Variants in RELN observed in about 807,000 individuals in gnomAD.
RELN encodes reelin.
In RELN, 108 loss-of-function variants were observed where a neutral mutation model predicts 427.6. That is an observed-to-expected ratio of 0.25 (90% CI 0.22 to 0.30). The LOEUF (loss-of-function observed/expected upper bound fraction) is 0.30, where lower values mean the gene tolerates loss of function less well. Among genes scored for constraint, RELN ranks in the 10% least tolerant of loss-of-function variants. The pLI is 1.00. For synonymous variants in RELN, 1,524 were observed against 1,513.4 expected (o/e 1.01, Z -0.16); for missense variants, 3,715 against 4,302.8 (o/e 0.86, Z 3.82).
rs1831733102 is a variant in RELN at position 103,603,633 on chromosome 7, G to A, written c.3147-143C>T. Reference sequence around the variant, plus strand: ...ATTCTTCCCTACAGTGTTAATCTGGGTATGCGGTAGTAACAACCCTCAGTT... The same window carrying A: ...ATTCTTCCCTACAGTGTTAATCTGGATATGCGGTAGTAACAACCCTCAGTT... On this transcript the variant is annotated intron_variant, in intron 23 of 64. Transcript: ENST00000428762. This position sits in a 1 kb window ranked among gnomAD's most constrained non-coding sequence, Gnocchi z 4.3. 4.2e-6 allele frequency: 3 copies of A among 709,576 alleles called. No homozygotes were observed. The highest frequency in any genetic ancestry group is 7.7e-6 in the Non-Finnish European group (3 of 390,808). The allele number at this position is 709,576 out of a possible 1,614,324, so 44.0% of individuals were successfully genotyped here. A position where few individuals can be genotyped will look rare whatever the true frequency, so the allele number is the denominator to read the frequency against.
At chr7:103,785,246 C>T (rs1584490835) in intron 3 of RELN, among the ~76,000 whole-genome samples, 2 of 152,210 alleles carry the variant, frequency 1.3e-5, no homozygotes, top group Middle Eastern at 6.8e-3. Context: ...ATTTGAGAGG[C>T]TCTGCTGTTT....
At chr7:103,779,152 T>C (rs1791822603) in intron 3 of RELN, among the ~76,000 whole-genome samples, 2 of 152,170 alleles carry the variant, frequency 1.3e-5, no homozygotes, top group Admixed American at 1.3e-4. Flanking sequence ...TCCACAGTGA[T>C]GCCCTAGGGG....
chr7:103,755,469 G>C (rs911602385), intron 4 of RELN, among the ~76,000 whole-genome samples: 1 of 151,890 alleles, frequency 6.6e-6, no homozygotes, highest in African/African-American at 2.4e-5. Context: ...TTAGCCGGGC[G>C]TGGTGGCGGT....
chr7:103,531,989 A>G (rs1562874866), intron 46 of RELN, among the ~76,000 whole-genome samples: 1 of 152,128 alleles, frequency 6.6e-6, no homozygotes, highest in Non-Finnish European at 1.5e-5. Flanking sequence ...ATTGATACAC[A>G]CATATGTTCA....
intron 6 of RELN, among the ~76,000 whole-genome samples, chr7:103,743,620 C>G (rs1288782331): frequency 6.6e-6 from 1 of 152,066 alleles, no homozygotes; most frequent in Non-Finnish European, 1.5e-5. Context: ...ATCGTAGTCT[C>G]AGAAAAAACA....
intron 4 of RELN, among the ~76,000 whole-genome samples, chr7:103,769,388 G>GA (rs1791509052): frequency 6.6e-6 from 1 of 152,044 alleles, no homozygotes; most frequent in Non-Finnish European, 1.5e-5. Flanking sequence ...CCTCTTAGGA[G>GA]GATACATCAT....
chr7:103,669,090 T>C (rs1248470593), intron 11 of RELN, among the ~76,000 whole-genome samples: 1 of 152,174 alleles, frequency 6.6e-6, no homozygotes, highest in East Asian at 1.9e-4. Context: ...TCAGACCGTA[T>C]AATAACTTTT....
At chr7:103,893,616 CCA>C (rs1410083569) in intron 2 of RELN, among the ~76,000 whole-genome samples, 5 of 152,114 alleles carry the variant, frequency 3.3e-5, no homozygotes, top group Non-Finnish European at 5.9e-5. Flanking sequence ...ACTTAAGCAA[CCA>C]CAGTGTTGGA....
At chr7:103,902,082 A>G (rs1332641740) in intron 2 of RELN, among the ~76,000 whole-genome samples, 1 of 151,962 alleles carries the variant, frequency 6.6e-6, no homozygotes, top group Non-Finnish European at 1.5e-5. Flanking sequence ...TCATTCTAAG[A>G]TATGGCTGAC....
chr7:103,619,240 T>C (rs2117308723), intron 20 of RELN, among the ~76,000 whole-genome samples: 1 of 152,326 alleles, frequency 6.6e-6, no homozygotes, highest in South Asian at 2.1e-4. Flanking sequence ...TTGGGGGGAA[T>C]GTGTCCACTG....
Position 103,776,597 on chromosome 7 carries a change from A to C in RELN, c.504T>G (p.Ile168Met). The change falls in exon 4 of 65, where the codon ATT (isoleucine) becomes ATG (methionine). Residue 168 changes from isoleucine to methionine, a missense_variant. By Grantham distance (10) the Ile-to-Met change is conservative. Coordinates refer to ENST00000428762, the MANE Select transcript of RELN (RefSeq NM_005045.4). Reference protein sequence around the residue: ...MATATHRGQVIFKDALAQQLC... With the variant: ...MATATHRGQVMFKDALAQQLC... The stretch of plus-strand genomic sequence containing the variant: ...ACTGCTGGGCTAAAGCATCTTTGAA[A>C]ATAACCTGGCCCCGGTGTGTTGCTG... 1 of 1,614,128 alleles carries C rather than the reference A, an allele frequency of 6.2e-7. No individual in the cohort carries two copies. Among genetic ancestry groups the C allele is most frequent in the Non-Finnish European group, 8.5e-7 (1 of 1,179,978 alleles).
At chr7:103,482,127 GC>G (rs1828263105) in intron 63 of RELN, 1 of 152,106 alleles carries the variant, frequency 6.6e-6, no homozygotes, top group Admixed American at 6.5e-5. Flanking sequence ...ACTGAAATCA[GC>G]CAAGGGACTG....
chr7:103,800,806 G>C (rs1792443937), intron 3 of RELN, among the ~76,000 whole-genome samples: 1 of 152,052 alleles, frequency 6.6e-6, no homozygotes, highest in Non-Finnish European at 1.5e-5. Flanking sequence ...CTACAGAATG[G>C]GAGAAAATTT....
At chr7:103,669,869 TTACC>T (rs1344310369) in intron 11 of RELN, among the ~76,000 whole-genome samples, 5 of 152,118 alleles carry the variant, frequency 3.3e-5, no homozygotes, top group African/African-American at 7.2e-5. Context: ...TAAAAAGCCC[TTACC>T]TTATTTATTA....
At position 103,682,025 on chromosome 7, in the gene RELN, C is replaced by T. The variant is rs996877900; in HGVS notation, c.1289+91G>A. 4.0e-6 allele frequency: 5 copies of T among 1,240,942 alleles called. No homozygotes were observed. In the African/African-American group the frequency reaches 7.4e-5, roughly 18 times the overall value. The allele number at this position is 1,240,942 out of a possible 1,614,324, so 76.9% of individuals were successfully genotyped here. A position where few individuals can be genotyped will look rare whatever the true frequency, so the allele number is the denominator to read the frequency against. ...AATCATCAGTATTGATCTAAGTATG[C>T]TTTCGCCATTTAACAATATGCATTT... On this transcript the variant is annotated intron_variant, in intron 11 of 64. Transcript: ENST00000428762.
intron 64 of RELN, among the ~76,000 whole-genome samples, chr7:103,475,926 T>C (rs180939634): frequency 6.6e-6 from 1 of 152,266 alleles, no homozygotes; most frequent in East Asian, 1.9e-4. Flanking sequence ...ATATTTCTAA[T>C]TTTTTTGGTA....
rs11412775 is a variant in RELN, at chr7:103,917,551, C to CTT, written c.227-368_227-367dup. Among the ~76,000 whole-genome samples, 773 of 146,362 alleles carry CTT rather than the reference C, an allele frequency of 5.3e-3. 5 individuals carry two copies. The highest frequency in any genetic ancestry group is 0.016 in the African/African-American group (653 of 40,112). On this transcript the variant is annotated intron_variant, in intron 1 of 64. Transcript: ENST00000428762. ...GGAGTTTTGGCATTATGATAAAATG[C>CTT]TTTTTTTTTTTTTTAAGTCTTTCAT...
intron 4 of RELN, among the ~76,000 whole-genome samples, chr7:103,764,167 T>C (rs74536241): frequency 0.015 from 2,338 of 152,270 alleles, 63 homozygotes; most frequent in African/African-American, 0.053. Flanking sequence ...TGTTTAGTAA[T>C]AGTAGTGAGA....
intron 20 of RELN, 54 bp downstream of exon 20, chr7:103,629,886 T>C (rs1832413276): frequency 1.8e-6 from 2 of 1,086,844 alleles, no homozygotes; most frequent in Non-Finnish European, 2.9e-6. Flanking sequence ...AAGATCATCC[T>C]CATGTTCTAA....
Sources: gnomAD v4.1 joint callset for allele counts (sites outside exome capture counted in the v4.1 genomes callset) on GRCh38, gnomAD v4.1.1 for gene constraint, Gnocchi (gnomAD v3.1) non-coding constraint, MANE v1.5 for transcripts, NCBI Gene and HGNC (gene_info 2026-07-23, HGNC 2026-07-21) for gene names.